The following CSMD1 variants were observed in gnomAD, a reference collection of about 807,000 sequenced individuals.
The protein encoded by CSMD1 is CUB and sushi domain-containing protein 1.
A neutral mutation model predicts 417.5 loss-of-function variants in CSMD1; 213 were observed. The observed-to-expected ratio is 0.51, with a 90% CI of 0.46 to 0.57. The LOEUF (loss-of-function observed/expected upper bound fraction) is 0.57. Ranked by LOEUF, CSMD1 falls within the 20% of genes least tolerant of loss-of-function variation. The pLI, the probability that CSMD1 is intolerant of heterozygous loss-of-function variation, is 0.00. For missense variants in CSMD1, 6,923 were observed against 4,529.7 expected (o/e 1.53, Z -15.17); for synonymous variants, 2,862 against 1,736.8 (o/e 1.65, Z -16.11).
chr8:3,633,460 A>T (rs1258367072), intron 7 of CSMD1, among the ~76,000 whole-genome samples: 1 of 152,208 alleles, frequency 6.6e-6, no homozygotes, highest in East Asian at 1.9e-4. Context: ...TATCTAACAT[A>T]TGTATAATAC....
chr8:3,747,370 C>T (rs1797111480), intron 6 of CSMD1, among the ~76,000 whole-genome samples: 1 of 135,898 alleles, frequency 7.4e-6, no homozygotes, highest in Non-Finnish European at 1.6e-5. Context: ...TTGTTCTGAT[C>T]ATCTTTGAAA....
chr8:3,514,463 C>A (rs1045344232), intron 10 of CSMD1, among the ~76,000 whole-genome samples: 6 of 152,178 alleles, frequency 3.9e-5, no homozygotes, highest in Non-Finnish European at 7.4e-5. Context: ...GTCATCCCCA[C>A]TGAAGAACCC....
intron 2 of CSMD1, among the ~76,000 whole-genome samples, chr8:4,540,610 G>C (rs534222308): frequency 6.6e-6 from 1 of 152,228 alleles, no homozygotes; most frequent in East Asian, 1.9e-4. Context: ...TAACAGAAGT[G>C]AAAATAAACC....
intron 1 of CSMD1, among the ~76,000 whole-genome samples, chr8:4,692,115 A>T (rs377447610): frequency 6.6e-6 from 1 of 152,160 alleles, no homozygotes; most frequent in Middle Eastern, 3.4e-3. Context: ...GCACCCTGGT[A>T]CTCAGCCCAG....
intron 5 of CSMD1, among the ~76,000 whole-genome samples, chr8:3,793,549 A>AC (rs1054990576): frequency 1.4e-5 from 2 of 144,096 alleles, no homozygotes; most frequent in South Asian, 4.5e-4. Flanking sequence ...TCCACATGAC[A>AC]CCCCCTCCTC....
intron 5 of CSMD1, among the ~76,000 whole-genome samples, chr8:3,893,887 G>A (rs773327560): frequency 6.6e-6 from 1 of 152,036 alleles, no homozygotes; most frequent in Non-Finnish European, 1.5e-5. Context: ...GGAGATTTAA[G>A]ATGTTAATGA....
chr8:4,172,395 G>C (rs769273325), intron 3 of CSMD1, among the ~76,000 whole-genome samples: 3 of 151,940 alleles, frequency 2.0e-5, no homozygotes, highest in African/African-American at 7.3e-5. Context: ...AATCTAAATA[G>C]CCAGTGGGTC....
intron 41 of CSMD1, chr8:3,127,959 AGAGGGAGGGAGGGAAGGAAAGAAGG>A (rs1439858978): frequency 1.9e-5 from 2 of 107,162 alleles, no homozygotes; most frequent in East Asian, 3.3e-4. Context: ...AAGGAAGGAA[AGAGGGAGGGAGGGAAGGAAAGAAGG>A]GAGGGAGGGA....
intron 6 of CSMD1, among the ~76,000 whole-genome samples, chr8:3,723,900 G>C (rs896386576): frequency 1.3e-5 from 2 of 152,152 alleles, no homozygotes; most frequent in Non-Finnish European, 2.9e-5. Context: ...GCAAAAAGTT[G>C]ACTTATATGG....
chr8:4,395,479 A>T (rs964878173), intron 3 of CSMD1, among the ~76,000 whole-genome samples: 2 of 151,964 alleles, frequency 1.3e-5, no homozygotes, highest in Non-Finnish European at 2.9e-5. Flanking sequence ...TGTTTCGATG[A>T]AGAATACAAA....
intron 5 of CSMD1, among the ~76,000 whole-genome samples, chr8:3,836,150 T>C (rs1378231133): frequency 6.6e-6 from 1 of 152,182 alleles, no homozygotes; most frequent in Non-Finnish European, 1.5e-5. Context: ...ATTTTTTTCT[T>C]ACTATATTCA....
chr8:3,807,331 C>G (rs549309684), intron 5 of CSMD1, among the ~76,000 whole-genome samples: 3 of 152,054 alleles, frequency 2.0e-5, no homozygotes, highest in Non-Finnish European at 4.4e-5. Context: ...TTGTACTTGA[C>G]AAAGAGAAAA....
chr8:4,359,304 A>AG (rs1584953423), intron 3 of CSMD1, among the ~76,000 whole-genome samples: 1 of 152,230 alleles, frequency 6.6e-6, no homozygotes, highest in East Asian at 1.9e-4. Context: ...ATATGGCTGC[A>AG]GTGCATTATT....
intron 2 of CSMD1, among the ~76,000 whole-genome samples, chr8:4,447,808 T>C (rs1291138330): frequency 6.6e-6 from 1 of 152,116 alleles, no homozygotes; most frequent in African/African-American, 2.4e-5. Flanking sequence ...CGAACACAAC[T>C]AAGAAGTCAC....
chr8:4,719,117 A>G (rs894787837), intron 1 of CSMD1, among the ~76,000 whole-genome samples: 2 of 152,182 alleles, frequency 1.3e-5, no homozygotes, highest in African/African-American at 4.8e-5. Flanking sequence ...GAAGCTCTGA[A>G]TGATGAACAA....
At chr8:3,516,914 G>A (rs1797305121) in intron 10 of CSMD1, among the ~76,000 whole-genome samples, 1 of 152,190 alleles carries the variant, frequency 6.6e-6, no homozygotes, top group Non-Finnish European at 1.5e-5. Flanking sequence ...CAAAATCGTA[G>A]AACCAACCCA....
chr8:4,260,692 T>C (rs1803817934), intron 3 of CSMD1, among the ~76,000 whole-genome samples: 3 of 152,194 alleles, frequency 2.0e-5, no homozygotes, highest in African/African-American at 7.2e-5. Flanking sequence ...TAATCCAAAA[T>C]TCCCATGTCG....
chr8:4,676,253 C>G (rs1017796062), intron 1 of CSMD1, among the ~76,000 whole-genome samples: 1 of 152,142 alleles, frequency 6.6e-6, no homozygotes, highest in Admixed American at 6.6e-5. Context: ...TTCTCCTTTG[C>G]TTATGACACC....
chr8:4,400,071 AAAAG>A (rs1804544890), intron 3 of CSMD1, among the ~76,000 whole-genome samples: 2 of 152,318 alleles, frequency 1.3e-5, no homozygotes, highest in South Asian at 4.1e-4. Context: ...TCAGCATGCC[AAAAG>A]AGAGATCTAA....
Sources: allele counts gnomAD v4.1 joint callset (sites outside exome capture counted in the v4.1 genomes callset), GRCh38; gene constraint gnomAD v4.1.1; transcripts MANE v1.5; gene names NCBI Gene and HGNC (gene_info 2026-07-23, HGNC 2026-07-21).